The following PROCR variants were observed in gnomAD, a reference collection of about 807,000 sequenced individuals.
PROCR encodes the protein endothelial protein C receptor.
In PROCR, 22 loss-of-function variants were observed where a neutral mutation model predicts 24.2. That is an observed-to-expected ratio of 0.91 (90% CI 0.65 to 1.30). PROCR has a LOEUF of 1.30. Among genes scored for constraint, PROCR ranks in the 50% most tolerant of loss-of-function variants. The probability of loss-of-function intolerance (pLI) is 0.00; values close to 1 mark genes in which losing one functional copy is unlikely to be tolerated. For synonymous variants in PROCR, 137 were observed against 139.2 expected, an observed-to-expected ratio of 0.98 and a Z score of 0.11; for missense variants, 288 against 307.7, an observed-to-expected ratio of 0.94 and a Z score of 0.48.
chr20:35,215,445 G>A (rs2146186432), intron 1 of PROCR, among the ~76,000 whole-genome samples: 1 of 151,696 alleles, frequency 6.6e-6, no homozygotes. Flanking sequence ...CCTATAGAAT[G>A]GTGTAATGTT....
intron 1 of PROCR, among the ~76,000 whole-genome samples, chr20:35,204,847 A>C (rs2060332088): frequency 6.6e-6 from 1 of 152,234 alleles, no homozygotes; most frequent in African/African-American, 2.4e-5. Context: ...AATACTTCAC[A>C]TGAACATATA....
intron 1 of PROCR, 57 bp from the exon 2 acceptor site, chr20:35,174,645 C>CG: frequency 6.2e-7 from 1 of 1,608,908 alleles, no homozygotes. Flanking sequence ...TTATTATCTT[C>CG]CGCTGCCCGC....
chr20:35,184,687 G>T (rs940401456), intron 1 of PROCR, among the ~76,000 whole-genome samples: 1 of 152,024 alleles, frequency 6.6e-6, no homozygotes. Context: ...GTGACAGAGC[G>T]AGACTGTGAG....
chr20:35,178,747 C>T (rs1464049842), downstream of PROCR, among the ~76,000 whole-genome samples: 3 of 143,456 alleles, frequency 2.1e-5, no homozygotes, highest in East Asian at 6.4e-4. Context: ...GATCTCCTGA[C>T]CTCGTGATCC....
chr20:35,199,747 C>CAAA (rs748805879), intron 1 of PROCR, among the ~76,000 whole-genome samples: 2 of 75,476 alleles, frequency 2.6e-5, no homozygotes. Flanking sequence ...GACTGTGTCT[C>CAAA]AAAAAAAAAA....
chr20:35,172,291 G>T, intron 1 of PROCR, 67 bp downstream of exon 1: 1 of 1,550,246 alleles, frequency 6.5e-7, no homozygotes, highest in Non-Finnish European at 8.9e-7. Flanking sequence ...TGGGCACATG[G>T]CAAGACCACA....
intron 1 of PROCR, among the ~76,000 whole-genome samples, chr20:35,205,695 G>A (rs2060335940): frequency 1.4e-5 from 2 of 145,522 alleles, no homozygotes; most frequent in Non-Finnish European, 3.0e-5. Flanking sequence ...AGGTTGCAGT[G>A]AGCCAAGATC....
intron 1 of PROCR, among the ~76,000 whole-genome samples, chr20:35,183,123 AAGAT>A (rs1334070221): frequency 6.6e-6 from 1 of 152,158 alleles, no homozygotes; most frequent in Non-Finnish European, 1.5e-5. Flanking sequence ...TTGGTCTTGT[AAGAT>A]AGATATAATC....
intron 1 of PROCR, chr20:35,195,302 A>G (rs1176517610): frequency 1.3e-5 from 2 of 152,198 alleles, no homozygotes; most frequent in Non-Finnish European, 2.9e-5. Flanking sequence ...TTTAAAAATG[A>G]ACAGTCTACA....
intron 1 of PROCR, chr20:35,195,368 C>T (rs2086206706): frequency 6.6e-6 from 1 of 152,098 alleles, no homozygotes; most frequent in African/African-American, 2.4e-5. Context: ...TAGGCAGGGT[C>T]AGGCCTGGTT....
chr20:35,194,897 A>G lies in PROCR; in HGVS notation c.94+18451A>G, dbSNP rs191598690. ...TTTAAACAGGACTCAGAGTCCCACA[A>G]TCTAACACTCAAGATGGGCAAGATA... On this transcript the variant is annotated intron_variant, in intron 1 of 1. Coordinates refer to the PROCR transcript ENST00000634509. Among the ~76,000 whole-genome samples, 38 of 152,348 alleles carry G rather than the reference A, an allele frequency of 2.5e-4. No individual in the cohort carries two copies. The East Asian group carries it at 6.7e-3, about 27-fold the overall frequency.
intron 1 of PROCR, among the ~76,000 whole-genome samples, chr20:35,210,523 G>A (rs2060358466): frequency 1.3e-5 from 2 of 151,944 alleles, no homozygotes; most frequent in Non-Finnish European, 2.9e-5. Context: ...CTCCAGCCTG[G>A]GCAACAGAGC....
At chr20:35,198,017 G>A (rs1429786832) in intron 1 of PROCR, among the ~76,000 whole-genome samples, 2 of 151,970 alleles carry the variant, frequency 1.3e-5, no homozygotes, top group African/African-American at 4.8e-5. Flanking sequence ...AGGCGCGGTG[G>A]CTCACACCTG....
chr20:35,179,087 G>A (rs1280176731), downstream of PROCR, among the ~76,000 whole-genome samples: 1 of 150,876 alleles, frequency 6.6e-6, no homozygotes, highest in Non-Finnish European at 1.5e-5. Context: ...CAAAAAATTA[G>A]CCGGGCATGG....
intron 1 of PROCR, among the ~76,000 whole-genome samples, chr20:35,208,319 T>C (rs1463919059): frequency 6.6e-6 from 1 of 152,242 alleles, no homozygotes; most frequent in African/African-American, 2.4e-5. Flanking sequence ...CACAGTCGTA[T>C]AGCCAAAATC....
At chr20:35,193,325 G>A (rs1027480733) in intron 1 of PROCR, among the ~76,000 whole-genome samples, 2 of 152,154 alleles carry the variant, frequency 1.3e-5, no homozygotes, top group Non-Finnish European at 2.9e-5. Context: ...ACAGGCGCAT[G>A]CCACCACGCC....
At chr20:35,207,615 T>G (rs1327984673) in intron 1 of PROCR, among the ~76,000 whole-genome samples, 2 of 151,918 alleles carry the variant, frequency 1.3e-5, no homozygotes, top group Non-Finnish European at 2.9e-5. Context: ...CTGCAACCTC[T>G]GCCTCCCAAG....
chr20:35,208,817 C>T (rs970443518), intron 1 of PROCR, among the ~76,000 whole-genome samples: 1 of 151,972 alleles, frequency 6.6e-6, no homozygotes, highest in Non-Finnish European at 1.5e-5. Context: ...TCTAAAAATA[C>T]TAAAATTAGC....
chr20:35,208,566 G>A (rs2060350572), intron 1 of PROCR, among the ~76,000 whole-genome samples: 1 of 152,120 alleles, frequency 6.6e-6, no homozygotes, highest in South Asian at 2.1e-4. Flanking sequence ...CGCGTACTCT[G>A]CTGCCCCCTA....
Sources: allele counts gnomAD v4.1 joint callset (sites outside exome capture counted in the v4.1 genomes callset), GRCh38; gene constraint gnomAD v4.1.1; transcripts MANE v1.5; gene names NCBI Gene and HGNC (gene_info 2026-07-23, HGNC 2026-07-21).